Variants in JARID2 observed in about 807,000 individuals in gnomAD.
JARID2 encodes protein Jumonji.
JARID2 carries 21 observed loss-of-function variants against 125.6 expected under a neutral mutation model. The ratio of observed to expected loss-of-function variants is 0.17; its 90% CI spans 0.12 to 0.24. The LOEUF is 0.24. JARID2 is among the 10% of genes least tolerant of loss of function. JARID2 has a pLI of 1.00. For synonymous variants in JARID2, 736 were observed against 661.6 expected (o/e 1.11, Z -1.73); for missense variants, 1,303 against 1,639.6 (o/e 0.79, Z 3.55).
intron 1 of JARID2, among the ~76,000 whole-genome samples, chr6:15,269,934 T>A (rs924368986): frequency 1.3e-5 from 2 of 152,222 alleles, no homozygotes; most frequent in Admixed American, 1.3e-4. Flanking sequence ...TGCAACCTTG[T>A]CATTTCTTTC....
At chr6:15,290,196 G>A (rs1761154466) in intron 1 of JARID2, among the ~76,000 whole-genome samples, 1 of 152,146 alleles carries the variant, frequency 6.6e-6, no homozygotes, top group Non-Finnish European at 1.5e-5. Flanking sequence ...CAGCATAATG[G>A]TCTCAGATTA....
At chr6:15,465,221 G>C (rs1259733895) in intron 4 of JARID2, among the ~76,000 whole-genome samples, 1 of 152,178 alleles carries the variant, frequency 6.6e-6, no homozygotes, top group Non-Finnish European at 1.5e-5. Context: ...TGGGAGATCA[G>C]GTGGGAAGAT....
intron 6 of JARID2, among the ~76,000 whole-genome samples, chr6:15,488,406 G>A (rs1454064043): frequency 6.6e-6 from 1 of 152,186 alleles, no homozygotes; most frequent in Admixed American, 6.5e-5. Flanking sequence ...TTTAACATCC[G>A]CTAAGTCATG....
chr6:15,343,250 AG>A lies in JARID2; in HGVS notation c.46-30864del, dbSNP rs1296774860. On this transcript the variant is annotated intron_variant, in intron 1 of 17. Transcript: ENST00000341776. The stretch of plus-strand genomic sequence containing the variant: ...GTCAAAAAAAAAAAAAAAAAAAAAA[AG>A]GGAATAGCTGCTTTACTTCACAGTC... 2.5e-5 allele frequency among the ~76,000 whole-genome samples: 3 copies of A among 121,182 alleles called. 1 individual carries two copies. The highest frequency in any genetic ancestry group is 1.7e-4 in the Admixed American group (2 of 11,672). The allele number at this position is 121,182 out of a possible 152,430, so 79.5% of individuals were successfully genotyped here.
chr6:15,501,559 A>G (rs1301296793), intron 8 of JARID2, 150 bp downstream of exon 8: 1 of 652,464 alleles, frequency 1.5e-6, no homozygotes. Flanking sequence ...ATAGCGCTGT[A>G]TTAGTCCTCT....
chr6:15,348,699 A>G (rs1252160984), intron 1 of JARID2, among the ~76,000 whole-genome samples: 2 of 152,190 alleles, frequency 1.3e-5, no homozygotes, highest in Admixed American at 1.3e-4. Context: ...TCTTCGCTGA[A>G]ACCATACAGG....
chr6:15,350,653 C>G (rs1013603231), intron 1 of JARID2, among the ~76,000 whole-genome samples: 3 of 151,850 alleles, frequency 2.0e-5, no homozygotes, highest in African/African-American at 4.8e-5. Context: ...CATCGTTGGG[C>G]CTTCACTGAT....
At chr6:15,316,727 C>G (rs1232298314) in intron 1 of JARID2, among the ~76,000 whole-genome samples, 1 of 151,944 alleles carries the variant, frequency 6.6e-6, no homozygotes, top group Non-Finnish European at 1.5e-5. Context: ...GGTCTTGAAC[C>G]CCTGACCTCA....
At chr6:15,292,159 GACGCCCGCCAC>G (rs1761242009) in intron 1 of JARID2, among the ~76,000 whole-genome samples, 1 of 151,894 alleles carries the variant, frequency 6.6e-6, no homozygotes, top group Non-Finnish European at 1.5e-5. Flanking sequence ...TGGGACCACA[GACGCCCGCCAC>G]CTCGCCCGGC....
intron 1 of JARID2, among the ~76,000 whole-genome samples, chr6:15,275,139 G>C (rs1248450732): frequency 6.6e-6 from 1 of 152,168 alleles, no homozygotes; most frequent in Non-Finnish European, 1.5e-5. Context: ...AGGAAGAGCT[G>C]TTTGATCTCT....
chr6:15,393,119 T>C (rs555616397), intron 2 of JARID2, among the ~76,000 whole-genome samples: 1 of 152,310 alleles, frequency 6.6e-6, no homozygotes, highest in Admixed American at 6.5e-5. Context: ...ATCCCTATGC[T>C]CTGTTCTTGC....
At chr6:15,253,886 A>G (rs1464079120) in intron 1 of JARID2, among the ~76,000 whole-genome samples, 1 of 152,158 alleles carries the variant, frequency 6.6e-6, no homozygotes, top group Non-Finnish European at 1.5e-5. Context: ...TAGATGAGAC[A>G]AGTAAGGTGA....
chr6:15,402,630 A>G (rs1393022858), intron 2 of JARID2, among the ~76,000 whole-genome samples: 1 of 152,138 alleles, frequency 6.6e-6, no homozygotes, highest in Non-Finnish European at 1.5e-5. Flanking sequence ...CAGTGATGCC[A>G]TTGTTCTGCC....
chr6:15,480,022 G>A (rs1769534238), intron 5 of JARID2, among the ~76,000 whole-genome samples: 1 of 152,202 alleles, frequency 6.6e-6, no homozygotes, highest in Non-Finnish European at 1.5e-5. Flanking sequence ...GCCAATTGAC[G>A]GAGTCTGTGT....
chr6:15,281,320 T>A (rs1343949537), intron 1 of JARID2, among the ~76,000 whole-genome samples: 1 of 152,240 alleles, frequency 6.6e-6, no homozygotes, highest in African/African-American at 2.4e-5. Context: ...GCAGTTTAAT[T>A]CATGTGATGC....
intron 8 of JARID2, among the ~76,000 whole-genome samples, chr6:15,502,065 G>A (rs1486987661): frequency 1.3e-5 from 2 of 152,236 alleles, no homozygotes; most frequent in African/African-American, 2.4e-5. Context: ...CCATCAAAAT[G>A]AATCTCACCA....
intron 1 of JARID2, among the ~76,000 whole-genome samples, chr6:15,348,226 G>A (rs1366986714): frequency 6.6e-6 from 1 of 151,798 alleles, no homozygotes; most frequent in Admixed American, 6.6e-5. Flanking sequence ...CGAATAGCTG[G>A]GATTACAGCC....
chr6:15,433,937 T>G (rs1270882749), intron 3 of JARID2, among the ~76,000 whole-genome samples: 8 of 109,912 alleles, frequency 7.3e-5, no homozygotes, highest in African/African-American at 2.6e-4. Flanking sequence ...TGTGTGTGTG[T>G]GTGTGTGTGT....
chr6:15,461,463 G>A (rs1298765193), intron 4 of JARID2, among the ~76,000 whole-genome samples: 1 of 152,148 alleles, frequency 6.6e-6, no homozygotes, highest in African/African-American at 2.4e-5. Flanking sequence ...GGTTGCTGAA[G>A]GAAAGACTGG....
Sources: gnomAD v4.1 joint callset for allele counts (sites outside exome capture counted in the v4.1 genomes callset) on GRCh38, gnomAD v4.1.1 for gene constraint, MANE v1.5 for transcripts, NCBI Gene and HGNC (gene_info 2026-07-23, HGNC 2026-07-21) for gene names.